Variants in CYP27C1 observed in about 807,000 individuals in gnomAD.
The protein encoded by CYP27C1 is cytochrome P450 family 27 subfamily C member 1, also known as cytochrome P450 27C1.
A neutral mutation model predicts 40.6 loss-of-function variants in CYP27C1; 29 were observed. The ratio of observed to expected loss-of-function variants is 0.71; its 90% CI spans 0.53 to 0.97. The LOEUF is 0.97. Among genes scored for constraint, CYP27C1 ranks in the 50% least tolerant of loss-of-function variants. CYP27C1 has a pLI of 0.00. For missense variants in CYP27C1, 390 were observed against 485.8 expected, an observed-to-expected ratio of 0.80 and a Z score of 1.85; for synonymous variants, 198 against 186.8, an observed-to-expected ratio of 1.06 and a Z score of -0.49.
chr2:127,204,440 AAAAGAAAGAAAGAAAGAAAG>A (rs59482629), intron 2 of CYP27C1, among the ~76,000 whole-genome samples: 1,048 of 41,212 alleles, frequency 0.025, 62 homozygotes, highest in East Asian at 0.064. Flanking sequence ...GAAAGAAAGA[AAAAGAAAGAAAGAAAGAAAG>A]AAAGAAAGAA....
intron 2 of CYP27C1, 136 bp from the exon 3 acceptor site, chr2:127,203,707 A>G: frequency 1.2e-6 from 1 of 858,016 alleles, no homozygotes; most frequent in Non-Finnish European, 1.7e-6. Flanking sequence ...TAAGACAGGA[A>G]AGACTTTTTG....
At chr2:127,206,548 T>A (rs1683233497) in intron 1 of CYP27C1, among the ~76,000 whole-genome samples, 1 of 152,178 alleles carries the variant, frequency 6.6e-6, no homozygotes, top group Non-Finnish European at 1.5e-5. Flanking sequence ...CCTCAAGTGA[T>A]CCTCCTGCCT....
rs74454246 is a variant in CYP27C1 at position 127,218,562 on chromosome 2, C to A, written c.282+1427G>T. Among the ~76,000 whole-genome samples the A allele has an allele frequency of 2.4e-4, 37 of 152,166 alleles. No homozygotes were observed. In the East Asian group the frequency reaches 7.2e-3, roughly 29 times the overall value. On this transcript the variant is annotated intron_variant, in intron 1 of 8. Coordinates refer to ENST00000664447, the MANE Select transcript of CYP27C1 (RefSeq NM_001367502.1). This position sits in a 1 kb window ranked among gnomAD's most constrained non-coding sequence, Gnocchi z 6.0. ...TAAAATTAAATTAAATTTTAATTCC[C>A]GGCCGAATTAAAATTGCTCCTCGCA...
intron 6 of CYP27C1, among the ~76,000 whole-genome samples, chr2:127,194,207 AGGACTTAAGG>A (rs1682851444): frequency 6.6e-6 from 1 of 152,224 alleles, no homozygotes; most frequent in Non-Finnish European, 1.5e-5. Context: ...AATAGTTCAT[AGGACTTAAGG>A]CCCCATGAAA....
intron 1 of CYP27C1, among the ~76,000 whole-genome samples, chr2:127,216,631 T>C (rs1212929753): frequency 6.6e-6 from 1 of 152,194 alleles, no homozygotes; most frequent in African/African-American, 2.4e-5. Flanking sequence ...ACTGCGGTGA[T>C]GGTTGTATAC....
At chr2:127,206,308 T>C (rs112555400) in intron 1 of CYP27C1, among the ~76,000 whole-genome samples, 2,380 of 152,038 alleles carry the variant, frequency 0.016, 68 homozygotes, top group African/African-American at 0.054. Context: ...TGTTTGTTTG[T>C]TTGTTTGTTT....
rs759499651 is a variant in CYP27C1, at chr2:127,201,327, C to T, written c.678G>A (p.Val226=). Residue 226 remains valine (V), a synonymous_variant, in exon 4 of 9, where the codon GTG becomes GTA. Coordinates refer to ENST00000664447, the MANE Select transcript of CYP27C1 (RefSeq NM_001367502.1). This position sits in a 1 kb window ranked among gnomAD's most constrained non-coding sequence, Gnocchi z 6.0. Reference sequence around the variant, plus strand: ...AACGACTCTCATAAAGGATGGTGGCCACTCCTAGACAGGAAAGAGAATTTG... The same window carrying T: ...AACGACTCTCATAAAGGATGGTGGCTACTCCTAGACAGGAAAGAGAATTTG... ...DLFFKYSMEG[V]ATILYESRLG... is the part of the protein sequence containing the mutation. 1.9e-6 allele frequency: 3 copies of T among 1,611,608 alleles called. No homozygotes were observed. In the South Asian group the frequency reaches 3.3e-5, roughly 18 times the overall value.
At chr2:127,213,859 T>C (rs1683379515) in intron 1 of CYP27C1, among the ~76,000 whole-genome samples, 1 of 152,062 alleles carries the variant, frequency 6.6e-6, no homozygotes, top group African/African-American at 2.4e-5. Context: ...GAAACTATCA[T>C]TGGAGTGAAC....
intron 8 of CYP27C1, among the ~76,000 whole-genome samples, chr2:127,187,755 G>C (rs1682664284): frequency 6.6e-6 from 1 of 152,200 alleles, no homozygotes; most frequent in Admixed American, 6.5e-5. Context: ...GGGAAATGCG[G>C]AACAAAGTGA....
intron 1 of CYP27C1, among the ~76,000 whole-genome samples, chr2:127,211,085 CTTAT>C (rs1302494242): frequency 6.6e-6 from 1 of 152,140 alleles, no homozygotes; most frequent in Non-Finnish European, 1.5e-5. Context: ...GTACATGGCA[CTTAT>C]TTGTCAATTA....
chr2:127,193,021 G>T, intron 8 of CYP27C1, 73 bp downstream of exon 8: 1 of 1,556,784 alleles, frequency 6.4e-7, no homozygotes, highest in Non-Finnish European at 8.7e-7. Context: ...TTTCAACCTG[G>T]AAGTCTTTAT....
Position 127,187,379 on chromosome 2 carries a change from T to C in CYP27C1, c.1506A>G (p.Gln502=). The C allele has an allele frequency of 1.2e-6, 2 of 1,613,944 alleles. No homozygotes were observed. The highest frequency in any genetic ancestry group is 1.1e-5 in the South Asian group (1 of 91,070). Residue 502 remains glutamine, a synonymous_variant, in exon 9 of 9, where the codon CAA becomes CAG. Coordinates refer to ENST00000664447, the MANE Select transcript of CYP27C1 (RefSeq NM_001367502.1). ...EIHLVVIQLL[Q]HFEIKTSSQT... is the part of the protein sequence containing the mutation. ...GAGAAGATGTTTTGATCTCAAAATG[T>C]TGAAGCAACTAAGAAGAGAAAGAGA...
chr2:127,216,039 A>G (rs1193749489), intron 1 of CYP27C1, among the ~76,000 whole-genome samples: 1 of 152,244 alleles, frequency 6.6e-6, no homozygotes, highest in Non-Finnish European at 1.5e-5. Flanking sequence ...ACAAGTAATA[A>G]CAAATGTTGA....
At chr2:127,204,749 G>A (rs1402309434) in intron 2 of CYP27C1, among the ~76,000 whole-genome samples, 1 of 152,120 alleles carries the variant, frequency 6.6e-6, no homozygotes, top group Non-Finnish European at 1.5e-5. Context: ...CCAGCACACC[G>A]CTCCCAGTGA....
At position 127,185,782 on chromosome 2, in the gene CYP27C1, G is replaced by A. The variant is rs1037853370; in HGVS notation, c.*1489C>T. On this transcript the variant is annotated 3_prime_UTR_variant, in exon 9 of 9. Coordinates refer to ENST00000664447, the MANE Select transcript of CYP27C1 (RefSeq NM_001367502.1). This position sits in a 1 kb window ranked among gnomAD's most constrained non-coding sequence, Gnocchi z 4.9. ...TAGTAAGAAAGTAATTTTTGGAGAAGGATTATGTAAAAGGAATTACAGAAT... is the reference window on the plus strand; with the variant it reads ...TAGTAAGAAAGTAATTTTTGGAGAAAGATTATGTAAAAGGAATTACAGAAT... 2 of 152,196 alleles carry A rather than the reference G, an allele frequency of 1.3e-5. No homozygotes were observed. The highest frequency in any genetic ancestry group is 4.8e-5 in the African/African-American group (2 of 41,446). The allele number at this position is 152,196 out of a possible 1,614,324, so 9.4% of individuals were successfully genotyped here.
At chr2:127,214,942 C>CA (rs1336377088) in intron 1 of CYP27C1, among the ~76,000 whole-genome samples, 1 of 151,158 alleles carries the variant, frequency 6.6e-6, no homozygotes, top group African/African-American at 2.4e-5. Context: ...TCCTGGCTAA[C>CA]ACGAGGAAAC....
chr2:127,205,179 G>A (rs1226715084), intron 2 of CYP27C1, among the ~76,000 whole-genome samples: 3 of 152,252 alleles, frequency 2.0e-5, no homozygotes, highest in Non-Finnish European at 1.5e-5. Context: ...CATCCAGGAG[G>A]AGCTGTTTAA....
At chr2:127,199,939 C>G (rs1354150117) in intron 4 of CYP27C1, among the ~76,000 whole-genome samples, 1 of 152,144 alleles carries the variant, frequency 6.6e-6, no homozygotes, top group Non-Finnish European at 1.5e-5. Context: ...TGTTACCATA[C>G]AGCACAGACT....
intron 8 of CYP27C1, 51 bp downstream of exon 8, chr2:127,193,043 C>A: frequency 6.3e-7 from 1 of 1,599,794 alleles, no homozygotes; most frequent in Non-Finnish European, 8.5e-7. Flanking sequence ...CTGTTGTGCC[C>A]AGTAGAAAGA....
Sources: allele counts gnomAD v4.1 joint callset (sites outside exome capture counted in the v4.1 genomes callset), GRCh38; gene constraint gnomAD v4.1.1; non-coding constraint Gnocchi (gnomAD v3.1); transcripts MANE v1.5; gene names NCBI Gene and HGNC (gene_info 2026-07-23, HGNC 2026-07-21).